The following STX6 variants were observed in gnomAD, a reference collection of about 807,000 sequenced individuals.
STX6 encodes syntaxin-6.
A neutral mutation model predicts 38.0 loss-of-function variants in STX6; 23 were observed. That is an observed-to-expected ratio of 0.60 (90% CI 0.43 to 0.86). The LOEUF is 0.86. STX6 is among the 40% of genes least tolerant of loss of function. STX6 has a pLI of 0.00. For missense variants in STX6, 274 were observed against 312.9 expected (o/e 0.88, Z 0.94); for synonymous variants, 123 against 107.5 (o/e 1.14, Z -0.89).
chr1:181,014,931 TC>T (rs1330357364), intron 1 of STX6, among the ~76,000 whole-genome samples: 1 of 152,206 alleles, frequency 6.6e-6, no homozygotes, highest in Admixed American at 6.5e-5. Flanking sequence ...TACTGCTGCT[TC>T]CACAACTCCA....
chr1:181,020,214 C>CAA (rs113021127), intron 1 of STX6, among the ~76,000 whole-genome samples: 3 of 137,028 alleles, frequency 2.2e-5, no homozygotes, highest in Non-Finnish European at 4.8e-5. Context: ...GACTCTGTCT[C>CAA]AAAAAAAAAA....
At chr1:181,011,965 G>C (rs1308441350) in intron 1 of STX6, among the ~76,000 whole-genome samples, 1 of 152,216 alleles carries the variant, frequency 6.6e-6, no homozygotes, top group East Asian at 1.9e-4. Flanking sequence ...ATCACAGATA[G>C]TGCTTCTTTA....
intron 1 of STX6, among the ~76,000 whole-genome samples, chr1:181,014,869 A>C (rs1656511855): frequency 6.6e-6 from 1 of 152,190 alleles, no homozygotes; most frequent in South Asian, 2.1e-4. Context: ...TGAAAATGAA[A>C]CATCATTTTT....
intron 6 of STX6, among the ~76,000 whole-genome samples, chr1:180,985,646 C>T (rs528300876): frequency 2.2e-4 from 34 of 152,360 alleles, no homozygotes; most frequent in African/African-American, 7.7e-4. Flanking sequence ...ACACTATTTG[C>T]TGTCCAATGT....
intron 1 of STX6, among the ~76,000 whole-genome samples, chr1:181,008,450 G>T (rs2102326521): frequency 6.6e-6 from 1 of 152,230 alleles, no homozygotes; most frequent in South Asian, 2.1e-4. Flanking sequence ...TGAGCATCTT[G>T]TTGGTGCTTA....
At chr1:181,019,978 TG>T (rs1330724620) in intron 1 of STX6, among the ~76,000 whole-genome samples, 1 of 151,900 alleles carries the variant, frequency 6.6e-6, no homozygotes, top group African/African-American at 2.4e-5. Context: ...CTGGCTAACA[TG>T]GTGAAACCCC....
intron 2 of STX6, among the ~76,000 whole-genome samples, chr1:181,003,257 A>G (rs904580358): frequency 2.6e-5 from 4 of 152,044 alleles, no homozygotes; most frequent in Admixed American, 6.6e-5. Flanking sequence ...TATTTGTGTT[A>G]TTACTTGATT....
chr1:181,015,027 ATTTGCT>A (rs1656516244), intron 1 of STX6, among the ~76,000 whole-genome samples: 1 of 151,964 alleles, frequency 6.6e-6, no homozygotes, highest in Admixed American at 6.6e-5. Context: ...CATTATATCT[ATTTGCT>A]TGAAACTCTC....
At chr1:181,014,970 A>C (rs1394594558) in intron 1 of STX6, among the ~76,000 whole-genome samples, 1 of 152,202 alleles carries the variant, frequency 6.6e-6, no homozygotes, top group Non-Finnish European at 1.5e-5. Flanking sequence ...CAAAGTCACG[A>C]GTGAATTTAA....
intron 1 of STX6, 54 bp from the exon 2 acceptor site, chr1:181,005,517 A>C (rs1656199622): frequency 6.4e-7 from 1 of 1,558,860 alleles, no homozygotes; most frequent in African/African-American, 1.4e-5. Flanking sequence ...TCCATGGTCA[A>C]GTTACTGCAT....
intron 3 of STX6, 87 bp from the exon 4 acceptor site, chr1:180,993,512 AT>A (rs1179340860): frequency 2.0e-5 from 13 of 664,768 alleles, no homozygotes; most frequent in Non-Finnish European, 3.4e-5. Flanking sequence ...AAAACACACA[AT>A]TTATTATTAC....
intron 7 of STX6, among the ~76,000 whole-genome samples, chr1:180,982,819 T>C (rs989675927): frequency 6.6e-6 from 1 of 152,182 alleles, no homozygotes; most frequent in Non-Finnish European, 1.5e-5. Context: ...CAGAAAAGAC[T>C]TTGCAAACCT....
intron 1 of STX6, among the ~76,000 whole-genome samples, chr1:181,012,412 T>C (rs1056828195): frequency 1.3e-5 from 2 of 152,208 alleles, no homozygotes; most frequent in Non-Finnish European, 2.9e-5. Context: ...ATTCTAGGGA[T>C]GTGGCTTTTC....
chr1:180,997,284 T>C (rs1445674346), intron 3 of STX6, among the ~76,000 whole-genome samples: 3 of 152,244 alleles, frequency 2.0e-5, no homozygotes, highest in Non-Finnish European at 4.4e-5. Flanking sequence ...AAGGATAGTC[T>C]GCTCCTGGGT....
intron 1 of STX6, among the ~76,000 whole-genome samples, chr1:181,012,831 C>T (rs890259420): frequency 5.3e-5 from 8 of 151,954 alleles, no homozygotes; most frequent in African/African-American, 1.9e-4. Flanking sequence ...TGCACCACCA[C>T]GCCCGGCTAA....
intron 7 of STX6, among the ~76,000 whole-genome samples, chr1:180,977,554 A>T (rs1252829490): frequency 6.6e-6 from 1 of 152,238 alleles, no homozygotes; most frequent in Non-Finnish European, 1.5e-5. Context: ...AGACATGTAG[A>T]AAAAATGAGC....
chr1:180,984,405 G>A (rs992336191), intron 7 of STX6, among the ~76,000 whole-genome samples: 1 of 152,118 alleles, frequency 6.6e-6, no homozygotes, highest in Admixed American at 6.5e-5. Flanking sequence ...AATTAGCTGG[G>A]TGTGGTGGCA....
intron 4 of STX6, among the ~76,000 whole-genome samples, chr1:180,990,558 G>C (rs1303024275): frequency 9.8e-6 from 1 of 101,964 alleles, no homozygotes; most frequent in African/African-American, 3.2e-5. Flanking sequence ...TTTTGGTGGG[G>C]GGAAAGGGAG....
intron 1 of STX6, among the ~76,000 whole-genome samples, chr1:181,021,957 G>T (rs1656740287): frequency 6.6e-6 from 1 of 152,208 alleles, no homozygotes; most frequent in African/African-American, 2.4e-5. Context: ...GGAAAGTTTG[G>T]TTTGGCTTGT....
Sources: gnomAD v4.1 joint callset for allele counts (sites outside exome capture counted in the v4.1 genomes callset) on GRCh38, gnomAD v4.1.1 for gene constraint, MANE v1.5 for transcripts, NCBI Gene and HGNC (gene_info 2026-07-23, HGNC 2026-07-21) for gene names.